FHIP2B: variants seen among roughly 807,000 people sequenced by gnomAD.
FHIP2B encodes FHF complex subunit HOOK interacting protein 2B.
In FHIP2B, 72 loss-of-function variants were observed where a neutral mutation model predicts 84.0. The observed-to-expected ratio is 0.86, with a 90% CI of 0.71 to 1.04. The LOEUF (loss-of-function observed/expected upper bound fraction) is 1.04. FHIP2B is among the 50% of genes least tolerant of loss of function. The pLI is 0.00. For synonymous variants in FHIP2B, 497 were observed against 418.7 expected (o/e 1.19, Z -2.28); for missense variants, 972 against 968.9 (o/e 1.00, Z -0.04).
At chr8:22,099,137 C>T in intron 8 of FHIP2B, 81 bp downstream of exon 8, 15 of 1,491,640 alleles carry the variant, frequency 1.0e-5, no homozygotes, top group Admixed American at 7.8e-5. Flanking sequence ...GGAGCAGGGA[C>T]ATGGAAACAT....
chr8:22,091,337 C>T (rs1825482718), intron 1 of FHIP2B, among the ~76,000 whole-genome samples: 2 of 151,384 alleles, frequency 1.3e-5, no homozygotes, highest in Admixed American at 1.3e-4. Context: ...CTGCAACCTC[C>T]ACCTCAAGTG....
At chr8:22,092,477 G>A (rs1825541269) in intron 1 of FHIP2B, among the ~76,000 whole-genome samples, 1 of 151,992 alleles carries the variant, frequency 6.6e-6, no homozygotes, top group Non-Finnish European at 1.5e-5. Flanking sequence ...CAACTTGGGA[G>A]GCAGGAGAAT....
chr8:22,099,111 A>G lies in FHIP2B; in HGVS notation c.1074+55A>G. 9.3e-6 allele frequency: 14 copies of G among 1,513,330 alleles called. 1 individual carries two copies. In the South Asian group the frequency reaches 1.7e-4, roughly 18 times the overall value. 93.7% of individuals were successfully genotyped at this position (1,513,330 alleles called of 1,614,324 possible). On this transcript the variant is annotated intron_variant, in intron 8 of 16. Transcript: ENST00000289921. ...TCATGCTGTTCCCTGTACCATCTCC[A>G]TCTCGAGGACCAAGTGGAGCAGGGA... is the stretch of plus-strand genomic sequence containing the variant.
At chr8:22,097,894 C>T in intron 5 of FHIP2B, 55 bp downstream of exon 5, 1 of 1,593,552 alleles carries the variant, frequency 6.3e-7, no homozygotes, top group Non-Finnish European at 8.6e-7. Flanking sequence ...CAGGGCAAGC[C>T]CCCTCTGCCC....
intron 1 of FHIP2B, among the ~76,000 whole-genome samples, chr8:22,093,255 G>A (rs536661999): frequency 1.3e-5 from 2 of 152,332 alleles, no homozygotes; most frequent in African/African-American, 4.8e-5. Flanking sequence ...GCTGTGGGGA[G>A]GGATGATTAG....
At chr8:22,091,552 T>C (rs762821625) in intron 1 of FHIP2B, among the ~76,000 whole-genome samples, 17 of 152,320 alleles carry the variant, frequency 1.1e-4, no homozygotes, top group Non-Finnish European at 1.6e-4. Context: ...TGGCCACTAA[T>C]AATATCGTTA....
chr8:22,090,149 A>AGG (rs1363405038), intron 1 of FHIP2B, among the ~76,000 whole-genome samples: 3 of 24,558 alleles, frequency 1.2e-4, no homozygotes, highest in Admixed American at 7.0e-4. Context: ...TATTCCCGGT[A>AGG]GGGTGGGGGG....
At position 22,102,885 on chromosome 8, in the gene FHIP2B, A is replaced by G. The variant is rs373702801; in HGVS notation, c.2186A>G (p.His729Arg). 355 of 1,613,626 alleles carry G rather than the reference A, an allele frequency of 2.2e-4. 4 individuals carry two copies. In the South Asian group the frequency reaches 3.7e-3, roughly 17 times the overall value. ...AAIAFVKFPP[H>R]DPRQNVSPAP... ...ATTGCCTTCGTCAAGTTTCCCCCAC[A>G]TGATCCTCGCCAGAACGTCTCCCCA... The change falls in exon 17 of 17, where the codon CAT becomes CGT. Residue 729 changes from histidine to arginine, a missense_variant. His to Arg is a conservative substitution (Grantham distance 29, BLOSUM62 0). Coordinates refer to ENST00000289921, the MANE Select transcript of FHIP2B (RefSeq NM_022749.7).
chr8:22,094,887 A>C, intron 2 of FHIP2B: 1 of 1,084,484 alleles, frequency 9.2e-7, no homozygotes, highest in Non-Finnish European at 1.1e-6. Context: ...ATCAAAAGAA[A>C]AGAATTTAAT....
At chr8:22,098,392 A>T in intron 6 of FHIP2B, 31 bp from the exon 7 acceptor site, 1 of 1,556,848 alleles carries the variant, frequency 6.4e-7, no homozygotes, top group South Asian at 1.2e-5. Context: ...GCTCACATGC[A>T]TGTCCCTGAA....
At chr8:22,098,870 C>T in intron 7 of FHIP2B, 78 bp from the exon 8 acceptor site, 1 of 1,262,786 alleles carries the variant, frequency 7.9e-7, no homozygotes, top group Non-Finnish European at 1.1e-6. Flanking sequence ...AGGGGAAGGG[C>T]CCAGTTTCAG....
intron 8 of FHIP2B, 32 bp downstream of exon 8, chr8:22,099,088 A>C (rs370621432): frequency 1.3e-6 from 2 of 1,541,044 alleles, no homozygotes; most frequent in Non-Finnish European, 1.8e-6. Context: ...CCGGGCTCTC[A>C]TGCTGTTCCC....
chr8:22,100,958 C>G lies in FHIP2B; in HGVS notation c.1602C>G (p.Thr534=). The change falls in exon 12 of 17, where the codon ACC becomes ACG. Residue 534 remains threonine (T), a synonymous_variant. Coordinates refer to ENST00000289921, the MANE Select transcript of FHIP2B (RefSeq NM_022749.7). Reference sequence around the variant, plus strand: ...GTTACGATGGCAAAACAGCAGTGACCGAGATCGTCAACAGGTGGGGAGCAA... The same window carrying G: ...GTTACGATGGCAAAACAGCAGTGACGGAGATCGTCAACAGGTGGGGAGCAA... The part of the protein sequence containing the change: ...ATSYDGKTAV[T]EIVNSFLCLV... The G allele has an allele frequency of 6.2e-7, 1 of 1,613,778 alleles. No homozygotes were observed. The highest frequency in any genetic ancestry group is 1.1e-5 in the South Asian group (1 of 91,078).
rs542583837 is a variant in FHIP2B, at chr8:22,089,403, G to A, written c.45+105G>A. The A allele has an allele frequency of 9.4e-6, 6 of 638,650 alleles. No individual in the cohort carries two copies. In the East Asian group the frequency reaches 5.5e-4, roughly 59 times the overall value. 39.6% of individuals were successfully genotyped at this position (638,650 alleles called of 1,614,324 possible). On this transcript the variant is annotated intron_variant, in intron 1 of 16. Transcript: ENST00000289921. ...CCCGCAGGAGGGCGGGCGGGCGCGG[G>A]CCCCCTCGGGCAGGGACCCCCGGGC...
chr8:22,098,970 G>A lies in FHIP2B; in HGVS notation c.988G>A (p.Glu330Lys). 1 of 1,607,040 alleles carries A rather than the reference G, an allele frequency of 6.2e-7. No individual in the cohort carries two copies. Among genetic ancestry groups the A allele is most frequent in the Non-Finnish European group, 8.5e-7 (1 of 1,176,540 alleles). Residue 330 changes from glutamate to lysine, a missense_variant, in exon 8 of 17, where the codon GAG becomes AAG. Transcript: ENST00000289921. ...CAGGTTACCCAGTGCCCCGTCTGAT[G>A]AGGCTTCCTTCCCTGGCAAGGAGGC... Reference protein sequence around the residue: ...SWRLPSAPSDEASFPGKEALA... With the variant: ...SWRLPSAPSDKASFPGKEALA...
rs761936213 is a variant in FHIP2B at position 22,101,694 on chromosome 8, C to A, written c.1708-14C>A. 4 of 1,601,880 alleles carry A rather than the reference C, an allele frequency of 2.5e-6. No individual in the cohort carries two copies. The East Asian group carries it at 6.8e-5, about 27-fold the overall frequency. ...TCCCCAGGCCCACTGCCTCTACTTTCCCGCCTGTCTCAGTTCCAGGAGTGC... is the reference window on the plus strand; with the variant it reads ...TCCCCAGGCCCACTGCCTCTACTTTACCGCCTGTCTCAGTTCCAGGAGTGC... On this transcript the variant is annotated splice_polypyrimidine_tract_variant and intron_variant, in intron 13 of 16. Coordinates refer to ENST00000289921, the MANE Select transcript of FHIP2B (RefSeq NM_022749.7).
At chr8:22,099,965 A>G in intron 10 of FHIP2B, 72 bp downstream of exon 10, 2 of 1,447,246 alleles carry the variant, frequency 1.4e-6, no homozygotes, top group African/African-American at 2.9e-5. Context: ...CACTCTTCCC[A>G]TTTCATTAGT....
intron 1 of FHIP2B, among the ~76,000 whole-genome samples, chr8:22,093,909 AGCTTCATCATGTT>A (rs2131690858): frequency 6.6e-6 from 1 of 151,834 alleles, no homozygotes; most frequent in South Asian, 2.1e-4. Flanking sequence ...ATAGAGACAG[AGCTTCATCATGTT>A]GCCGAGGCTG....
chr8:22,101,262 A>G (rs961707120), intron 12 of FHIP2B, 178 bp from the exon 13 acceptor site: 1 of 642,294 alleles, frequency 1.6e-6, no homozygotes, highest in South Asian at 1.9e-5. Flanking sequence ...ACCTCAGGTG[A>G]TCCGCCCACC....
Sources: allele counts gnomAD v4.1 joint callset (sites outside exome capture counted in the v4.1 genomes callset), GRCh38; gene constraint gnomAD v4.1.1; transcripts MANE v1.5; gene names NCBI Gene and HGNC (gene_info 2026-07-23, HGNC 2026-07-21).